RAPGEF5: variants seen among roughly 807,000 people sequenced by gnomAD.
RAPGEF5 encodes the protein Rap guanine nucleotide exchange factor 5.
A neutral mutation model predicts 125.2 loss-of-function variants in RAPGEF5; 65 were observed. That is an observed-to-expected ratio of 0.52 (90% confidence interval 0.43 to 0.64). The LOEUF (loss-of-function observed/expected upper bound fraction) is 0.64, where lower values mean the gene tolerates loss of function less well. RAPGEF5 is among the 30% of genes least tolerant of loss of function. The pLI is 0.00. For missense variants in RAPGEF5, 958 were observed against 1,048.1 expected (o/e 0.91, Z 1.19); for synonymous variants, 391 against 385.9 (o/e 1.01, Z -0.16).
intron 5 of RAPGEF5, 134 bp from the exon 6 acceptor site, chr7:22,291,375 T>A: frequency 7.3e-7 from 1 of 1,366,458 alleles, no homozygotes; most frequent in Non-Finnish European, 9.6e-7. Flanking sequence ...ATAACAAAGG[T>A]TGTGACAGTA....
intron 11 of RAPGEF5, among the ~76,000 whole-genome samples, chr7:22,182,763 C>T (rs1562745791): frequency 6.6e-6 from 1 of 152,118 alleles, no homozygotes; most frequent in Non-Finnish European, 1.5e-5. Context: ...AAAGGGTACA[C>T]CCTGTCAGGG....
chr7:22,340,470 C>T (rs1784104267), intron 1 of RAPGEF5, among the ~76,000 whole-genome samples: 1 of 152,160 alleles, frequency 6.6e-6, no homozygotes. Context: ...AGAAAGTGGA[C>T]CTGAGTCTCT....
chr7:22,305,562 A>G (rs1783317128), intron 5 of RAPGEF5, among the ~76,000 whole-genome samples: 1 of 152,292 alleles, frequency 6.6e-6, no homozygotes, highest in Non-Finnish European at 1.5e-5. Context: ...CAAAAAATCC[A>G]ATTGCACTCT....
At chr7:22,356,159 G>T (rs1412418730) in intron 1 of RAPGEF5, 9 of 985,194 alleles carry the variant, frequency 9.1e-6, no homozygotes, top group Non-Finnish European at 1.1e-5. Flanking sequence ...GATGCACTTA[G>T]AACTCAATGA....
At chr7:22,190,720 AAT>A (rs1410011615) in intron 11 of RAPGEF5, among the ~76,000 whole-genome samples, 2 of 152,136 alleles carry the variant, frequency 1.3e-5, no homozygotes, top group African/African-American at 4.8e-5. Context: ...CATTTTCACA[AAT>A]TAGTGACTTT....
At position 22,287,159 on chromosome 7, in the gene RAPGEF5, T is replaced by C. The variant is rs1442690241; in HGVS notation, c.747+4016A>G. On this transcript the variant is annotated intron_variant, in intron 6 of 25. Transcript: ENST00000665637. Reference sequence around the variant, plus strand: ...CTGAAAACTTCTTACAGAGTTTCACTGTTTAGGTTTCTGTATGTCTGACAC... The same window carrying C: ...CTGAAAACTTCTTACAGAGTTTCACCGTTTAGGTTTCTGTATGTCTGACAC... Among the ~76,000 whole-genome samples, 4 of 152,240 alleles carry C rather than the reference T, an allele frequency of 2.6e-5. No homozygotes were observed. The East Asian group carries it at 7.7e-4, about 29-fold the overall frequency.
intron 1 of RAPGEF5, among the ~76,000 whole-genome samples, chr7:22,318,497 C>G (rs1783647860): frequency 6.6e-6 from 1 of 152,130 alleles, no homozygotes; most frequent in Non-Finnish European, 1.5e-5. Flanking sequence ...CCTAAATCAC[C>G]CCTTTGACTT....
At chr7:22,290,805 G>A (rs1184369495) in intron 6 of RAPGEF5, among the ~76,000 whole-genome samples, 1 of 150,714 alleles carries the variant, frequency 6.6e-6, no homozygotes. Flanking sequence ...AAAAACTAGT[G>A]ACCCGGCCTT....
At position 22,225,630 on chromosome 7, in the gene RAPGEF5, T is replaced by C. The variant is rs796563754; in HGVS notation, c.870+5216A>G. ...TTCAAGAAACCCATGAATTTATTAATATATTGTGGGAGCTTTGCTATGGCA... is the reference window on the plus strand; with the variant it reads ...TTCAAGAAACCCATGAATTTATTAACATATTGTGGGAGCTTTGCTATGGCA... On this transcript the variant is annotated intron_variant, in intron 8 of 25. Transcript: ENST00000665637. Among the ~76,000 whole-genome samples, 55 of 152,304 alleles carry C rather than the reference T, an allele frequency of 3.6e-4. 1 individual carries two copies. The highest frequency in any genetic ancestry group is 1.2e-3 in the African/African-American group (50 of 41,582).
intron 6 of RAPGEF5, among the ~76,000 whole-genome samples, chr7:22,286,690 T>C (rs1395566752): frequency 6.6e-6 from 1 of 152,224 alleles, no homozygotes; most frequent in Admixed American, 6.5e-5. Context: ...CCTTAAGAAT[T>C]GTGGCTTTGA....
rs188227457 is a variant in RAPGEF5 at position 22,300,189 on chromosome 7, T to A, written c.680+8150A>T. ...TTTTTTTCTTGTCCTGCACACTGGA[T>A]AATTTATAATGAGCTATCTTCAGGT... On this transcript the variant is annotated intron_variant, in intron 5 of 25. Coordinates refer to ENST00000665637, the MANE Select transcript of RAPGEF5 (RefSeq NM_012294.5). Among the ~76,000 whole-genome samples the A allele has an allele frequency of 2.4e-3, 372 of 152,348 alleles. 3 individuals are homozygous for A. Among genetic ancestry groups the A allele is most frequent in the African/African-American group, 8.1e-3 (338 of 41,578 alleles).
chr7:22,302,633 C>T (rs1423306074), intron 5 of RAPGEF5, among the ~76,000 whole-genome samples: 2 of 152,120 alleles, frequency 1.3e-5, no homozygotes, highest in Non-Finnish European at 2.9e-5. Flanking sequence ...TCGCCATGTA[C>T]CCAGAGGCTA....
chr7:22,162,977 G>T, intron 12 of RAPGEF5: 1 of 457,320 alleles, frequency 2.2e-6, no homozygotes, highest in Non-Finnish European at 4.4e-6. Context: ...TGTAAAACCA[G>T]GTGCTTCTAA....
At position 22,356,893 on chromosome 7, in the gene RAPGEF5, G is replaced by A. The variant is rs1183527195; in HGVS notation, c.168C>T (p.Asp56=). The change falls in exon 1 of 26, where the codon GAC becomes GAT. Residue 56 remains aspartate (D), a synonymous_variant. Transcript: ENST00000665637. ...GCCCGCTCCGCAGCAGCGCGGGCAG[G>A]TCCCTCAGCCGCGGCCGCAGCGACG... ...PPASLRPRLR[D]LPALLRSGLT... is the part of the protein sequence containing the mutation. 1.8e-6 allele frequency: 2 copies of A among 1,139,864 alleles called. No homozygotes were observed. The highest frequency in any genetic ancestry group is 2.2e-6 in the Non-Finnish European group (2 of 929,626). The allele number at this position is 1,139,864 out of a possible 1,614,324, so 70.6% of individuals were successfully genotyped here.
At chr7:22,272,506 T>C (rs1170509227) in intron 6 of RAPGEF5, among the ~76,000 whole-genome samples, 1 of 152,118 alleles carries the variant, frequency 6.6e-6, no homozygotes, top group Non-Finnish European at 1.5e-5. Flanking sequence ...CTAAAGGCTT[T>C]TAGTAAATCT....
intron 1 of RAPGEF5, among the ~76,000 whole-genome samples, chr7:22,344,134 G>T (rs746649109): frequency 1.3e-5 from 2 of 152,086 alleles, no homozygotes; most frequent in African/African-American, 2.4e-5. Flanking sequence ...GCCTTCCCTT[G>T]CCTCTCCCTC....
chr7:22,197,211 G>C (rs543017767), intron 9 of RAPGEF5, among the ~76,000 whole-genome samples: 2 of 152,324 alleles, frequency 1.3e-5, no homozygotes, highest in East Asian at 3.9e-4. Flanking sequence ...GTGTTAAACT[G>C]TGAGTGAACA....
chr7:22,228,849 C>A (rs562912929), intron 8 of RAPGEF5, among the ~76,000 whole-genome samples: 68 of 152,130 alleles, frequency 4.5e-4, no homozygotes, highest in Admixed American at 1.4e-3. Flanking sequence ...GGAAAAGAAT[C>A]CAGGCAGTGT....
chr7:22,230,447 A>G (rs1786029141), intron 8 of RAPGEF5, among the ~76,000 whole-genome samples: 2 of 152,182 alleles, frequency 1.3e-5, no homozygotes, highest in Admixed American at 6.5e-5. Context: ...TTATGGTGCA[A>G]TAGTATTTGG....
Sources: allele counts gnomAD v4.1 joint callset (sites outside exome capture counted in the v4.1 genomes callset), GRCh38; gene constraint gnomAD v4.1.1; transcripts MANE v1.5; gene names NCBI Gene and HGNC (gene_info 2026-07-23, HGNC 2026-07-21).